TNRC6A: variants seen among roughly 807,000 people sequenced by gnomAD.
TNRC6A encodes the protein trinucleotide repeat containing adaptor 6A, also known as trinucleotide repeat-containing gene 6A protein.
Under a neutral mutation model 221.2 loss-of-function variants are expected in TNRC6A, and 44 were observed. The ratio of observed to expected loss-of-function variants is 0.20; its 90% CI spans 0.16 to 0.26. TNRC6A has a LOEUF of 0.26. Among genes scored for constraint, TNRC6A ranks in the 10% least tolerant of loss-of-function variants. The pLI is 1.00. For missense variants in TNRC6A, 2,199 were observed against 2,404.4 expected (o/e 0.91, Z 1.79); for synonymous variants, 847 against 838.5 (o/e 1.01, Z -0.18).
intron 22 of TNRC6A, among the ~76,000 whole-genome samples, chr16:24,820,623 T>C (rs544921487): frequency 1.3e-5 from 2 of 152,372 alleles, no homozygotes; most frequent in East Asian, 1.9e-4. Context: ...CATGGCAGGC[T>C]TAAACCACAT....
intron 4 of TNRC6A, among the ~76,000 whole-genome samples, chr16:24,770,287 A>G (rs2057563602): frequency 6.6e-6 from 1 of 152,212 alleles, no homozygotes; most frequent in African/African-American, 2.4e-5. Context: ...GAGAGGGGCC[A>G]TGCCAAGGAG....
chr16:24,655,074 C>T (rs899557073), intron 2 of TNRC6A, among the ~76,000 whole-genome samples: 2 of 151,978 alleles, frequency 1.3e-5, no homozygotes, highest in African/African-American at 2.4e-5. Flanking sequence ...AGAACCCCAT[C>T]GCTACAAAAA....
At chr16:24,706,494 G>A (rs772692743) in intron 2 of TNRC6A, among the ~76,000 whole-genome samples, 14 of 151,900 alleles carry the variant, frequency 9.2e-5, no homozygotes, top group Non-Finnish European at 1.6e-4. Context: ...GGTGGATCAC[G>A]AGGTCAGGAG....
At chr16:24,733,003 G>A (rs893158369) in intron 2 of TNRC6A, among the ~76,000 whole-genome samples, 4 of 152,110 alleles carry the variant, frequency 2.6e-5, no homozygotes, top group African/African-American at 7.2e-5. Context: ...GATTGCTTGA[G>A]GTCAGGAGTT....
At chr16:24,675,696 CTCTCTCTATATATA>C (rs1198177174) in intron 2 of TNRC6A, among the ~76,000 whole-genome samples, 31 of 76,096 alleles carry the variant, frequency 4.1e-4, no homozygotes, top group East Asian at 1.4e-3. Flanking sequence ...CTCTCTCTCT[CTCTCTCTATATATA>C]TATATATATA....
intron 6 of TNRC6A, 80 bp downstream of exon 6, chr16:24,791,897 T>C (rs930080335): frequency 9.4e-6 from 13 of 1,385,080 alleles, no homozygotes; most frequent in Non-Finnish European, 1.2e-5. Context: ...TACTTGGATA[T>C]GCACACAAAG....
At chr16:24,719,286 C>A (rs919970139) in intron 2 of TNRC6A, among the ~76,000 whole-genome samples, 20 of 152,042 alleles carry the variant, frequency 1.3e-4, no homozygotes, top group Middle Eastern at 3.4e-3. Context: ...TTTGGGAGGC[C>A]AGGGTGAGAG....
In TNRC6A at chr16:24,809,338, T is replaced by G. The variant is rs746234477; in HGVS notation, c.4541-12T>G. 4.3e-5 allele frequency: 64 copies of G among 1,496,442 alleles called. No homozygotes were observed. Among genetic ancestry groups the G allele is most frequent in the Non-Finnish European group, 5.8e-5 (64 of 1,113,010 alleles). 92.7% of individuals were successfully genotyped at this position (1,496,442 alleles called of 1,614,324 possible). A position where few individuals can be genotyped will look rare whatever the true frequency, so the allele number is the denominator to read the frequency against. ...ATTTTCTAAGGTTTTGTTTTGTTTT[T>G]TAATTTTTCAGGCTTGAACTCAAAC... is the stretch of plus-strand genomic sequence containing the variant. On this transcript the variant is annotated splice_polypyrimidine_tract_variant and intron_variant, in intron 17 of 24. Transcript: ENST00000395799.
chr16:24,693,716 A>T (rs1281100503), intron 2 of TNRC6A, among the ~76,000 whole-genome samples: 6 of 152,144 alleles, frequency 3.9e-5, no homozygotes, highest in African/African-American at 9.7e-5. Flanking sequence ...CCTGGGCAAC[A>T]TGGCAAAACC....
At chr16:24,635,632 C>T (rs1428940102) in intron 1 of TNRC6A, among the ~76,000 whole-genome samples, 4 of 152,110 alleles carry the variant, frequency 2.6e-5, no homozygotes, top group Non-Finnish European at 5.9e-5. Context: ...GTCTCAGCAC[C>T]CATCATAGAC....
At position 24,750,780 on chromosome 16, in the gene TNRC6A, C is replaced by A; in HGVS notation, c.108C>A (p.Asp36Glu). Residue 36 changes from aspartate (D) to glutamate (E), a missense_variant, in exon 3 of 25, where the codon GAC (aspartate) becomes GAA (glutamate). Physicochemically the swap from Asp to Glu is conservative, Grantham distance 45. Around this residue, in one of 8 missense-constraint regions of TNRC6A, gnomAD observed 1,405 missense variants for 1,400.2 expected, o/e 1.00. Coordinates refer to ENST00000395799, the MANE Select transcript of TNRC6A (RefSeq NM_014494.4). ...QLMEEKKKKK[D>E]DKKKKEAAQK... ...TGGAAGAAAAGAAAAAGAAAAAAGA[C>A]GACAAGAAAAAGAAGGAAGCTGCTC... The A allele has an allele frequency of 6.4e-7, 1 of 1,562,232 alleles. No individual in the cohort carries two copies. Among genetic ancestry groups the A allele is most frequent in the Non-Finnish European group, 8.6e-7 (1 of 1,156,512 alleles).
At chr16:24,792,014 A>G (rs1201776447) in intron 6 of TNRC6A, among the ~76,000 whole-genome samples, 197 bp downstream of exon 6, 2 of 152,212 alleles carry the variant, frequency 1.3e-5, no homozygotes, top group African/African-American at 4.8e-5. Flanking sequence ...AGTCCTGCAC[A>G]CTTCATTCTC....
At position 24,823,652 on chromosome 16, in the gene TNRC6A, G is replaced by T. The variant is rs1292823666; in HGVS notation, c.5734G>T (p.Asp1912Tyr). The change falls in exon 25 of 25, where the codon GAC becomes TAC. Residue 1912 changes from aspartate to tyrosine, a missense_variant. Asp to Tyr is a radical substitution (Grantham distance 160, BLOSUM62 -3). This residue lies in a region of TNRC6A where 130 missense variants were observed against 121.7 expected (regional missense o/e 1.07). Coordinates refer to ENST00000395799, the MANE Select transcript of TNRC6A (RefSeq NM_014494.4). This position sits in a 1 kb window ranked among gnomAD's most constrained non-coding sequence, Gnocchi z 4.3. ...TGGGCTGTCGGGAACTAACTGTGGA[G>T]ACCTTCACGGCACTTCACTCTGGGG... ...GAGLSGTNCG[D>Y]LHGTSLWGTP... 6.2e-7 allele frequency: 1 copy of T among 1,613,266 alleles called. No individual in the cohort carries two copies. Among genetic ancestry groups the T allele is most frequent in the Non-Finnish European group, 8.5e-7 (1 of 1,179,450 alleles).
rs761484749 is a variant in TNRC6A, at chr16:24,823,846, C to T, written c.*39C>T. ...GACTCACCGACCGGGACCTCAGACG[C>T]GAGGGAAAGGAGCACTAAGTGGGGC... On this transcript the variant is annotated 3_prime_UTR_variant, in exon 25 of 25. Transcript: ENST00000395799. The surrounding 1 kb of genome is among the most constrained non-coding windows in gnomAD (Gnocchi z 4.3). The T allele has an allele frequency of 1.3e-5, 18 of 1,367,972 alleles. No homozygotes were observed. The Admixed American group carries it at 1.5e-4, about 11-fold the overall frequency. The allele number at this position is 1,367,972 out of a possible 1,614,324, so 84.7% of individuals were successfully genotyped here.
At chr16:24,614,046 C>G (rs1160602259) in intron 1 of TNRC6A, among the ~76,000 whole-genome samples, 1 of 152,156 alleles carries the variant, frequency 6.6e-6, no homozygotes, top group Non-Finnish European at 1.5e-5. Context: ...GGGTTCATGG[C>G]CAGTATAGAT....
intron 2 of TNRC6A, among the ~76,000 whole-genome samples, chr16:24,649,816 CTTTTTT>C (rs35308503): frequency 2.8e-4 from 22 of 78,922 alleles, no homozygotes; most frequent in African/African-American, 7.6e-4. Context: ...CTCTCTCTCT[CTTTTTT>C]TTTTTTTTTT....
chr16:24,727,556 TG>T (rs905985559), upstream of TNRC6A, among the ~76,000 whole-genome samples: 4 of 151,956 alleles, frequency 2.6e-5, no homozygotes, highest in African/African-American at 9.7e-5. Flanking sequence ...GGGGTAGGGA[TG>T]GGGGCAACAT....
intron 2 of TNRC6A, among the ~76,000 whole-genome samples, chr16:24,715,792 C>T (rs961242507): frequency 7.9e-5 from 12 of 151,432 alleles, no homozygotes; most frequent in Non-Finnish European, 1.8e-4. Flanking sequence ...TAAATTTTTT[C>T]ATATTTTTAG....
intron 2 of TNRC6A, among the ~76,000 whole-genome samples, chr16:24,736,749 C>T (rs1202923784): frequency 6.6e-6 from 1 of 152,144 alleles, no homozygotes; most frequent in Non-Finnish European, 1.5e-5. Flanking sequence ...AATATTCTTA[C>T]TTCTACACTG....
Sources: allele counts gnomAD v4.1 joint callset (sites outside exome capture counted in the v4.1 genomes callset), GRCh38; gene constraint gnomAD v4.1.1; regional missense constraint gnomAD v4.1.1; non-coding constraint Gnocchi (gnomAD v3.1); transcripts MANE v1.5; gene names NCBI Gene and HGNC (gene_info 2026-07-23, HGNC 2026-07-21).